Variants in ANKIB1 observed in about 807,000 individuals in gnomAD.
The protein encoded by ANKIB1 is ankyrin repeat and IBR domain-containing protein 1.
ANKIB1 carries 43 observed loss-of-function variants against 122.1 expected under a neutral mutation model. The observed-to-expected ratio is 0.35, with a 90% CI of 0.28 to 0.45. ANKIB1 has a LOEUF of 0.45. Among genes scored for constraint, ANKIB1 ranks in the 20% least tolerant of loss-of-function variants. ANKIB1 has a pLI of 1.00. For missense variants in ANKIB1, 992 were observed against 1,329.5 expected (o/e 0.75, Z 3.95); for synonymous variants, 390 against 442.0 (o/e 0.88, Z 1.48).
intron 10 of ANKIB1, among the ~76,000 whole-genome samples, chr7:92,363,670 T>G (rs1804003229): frequency 6.6e-6 from 1 of 151,328 alleles, no homozygotes; most frequent in African/African-American, 2.5e-5. Context: ...AGGTAATTAC[T>G]GTCAGCAACT....
intron 11 of ANKIB1, among the ~76,000 whole-genome samples, chr7:92,385,433 T>C (rs1804615294): frequency 6.6e-6 from 1 of 152,218 alleles, no homozygotes; most frequent in African/African-American, 2.4e-5. Context: ...CATGCACATA[T>C]ATGTTTATTG....
chr7:92,295,062 T>C lies in ANKIB1; in HGVS notation c.84T>C (p.Pro28=). 1 of 1,600,250 alleles carries C rather than the reference T, an allele frequency of 6.2e-7. No homozygotes were observed. Among genetic ancestry groups the C allele is most frequent in the Non-Finnish European group, 8.5e-7 (1 of 1,173,118 alleles). The part of the protein sequence containing the change: ...NLACQIYENN[P]QLKESLDPNT... ...CCTGCCAAATATATGAAAACAATCCTCAGCTAAAAGAATCTCTTGATCCAA... is the reference window on the plus strand; with the variant it reads ...CCTGCCAAATATATGAAAACAATCCCCAGCTAAAAGAATCTCTTGATCCAA... The change falls in exon 2 of 20, where the codon CCT becomes CCC. Residue 28 remains proline, a synonymous_variant. Coordinates refer to ENST00000265742, the MANE Select transcript of ANKIB1 (RefSeq NM_019004.2).
At chr7:92,327,621 C>T (rs1280924997) in intron 4 of ANKIB1, among the ~76,000 whole-genome samples, 162 bp from the exon 5 acceptor site, 1 of 151,928 alleles carries the variant, frequency 6.6e-6, no homozygotes, top group Non-Finnish European at 1.5e-5. Flanking sequence ...AGTATAGACA[C>T]AACCTTTTTT....
intron 1 of ANKIB1, among the ~76,000 whole-genome samples, chr7:92,262,418 C>T (rs895032515): frequency 6.6e-6 from 1 of 152,094 alleles, no homozygotes; most frequent in African/African-American, 2.4e-5. Flanking sequence ...CACAACTTTA[C>T]CCAAAATAGT....
intron 5 of ANKIB1, 34 bp from the exon 6 acceptor site, chr7:92,342,990 T>G: frequency 1.3e-6 from 2 of 1,587,006 alleles, no homozygotes; most frequent in Non-Finnish European, 1.7e-6. Flanking sequence ...CATATTTTCT[T>G]TTTTGAGAGC....
chr7:92,364,333 A>T (rs1804023584), intron 10 of ANKIB1, among the ~76,000 whole-genome samples: 1 of 148,352 alleles, frequency 6.7e-6, no homozygotes, highest in African/African-American at 2.6e-5. Context: ...AAAAAAAAAA[A>T]AAAAAAGCCT....
intron 5 of ANKIB1, among the ~76,000 whole-genome samples, chr7:92,333,362 T>C (rs560161723): frequency 6.4e-4 from 98 of 152,284 alleles, no homozygotes; most frequent in African/African-American, 2.2e-3. Flanking sequence ...CACTGACCTT[T>C]TTAATTTCAC....
chr7:92,375,669 T>G (rs1041840651), intron 11 of ANKIB1, among the ~76,000 whole-genome samples: 4 of 152,226 alleles, frequency 2.6e-5, no homozygotes, highest in Non-Finnish European at 5.9e-5. Context: ...AGGATAGGAA[T>G]CAACTTTTTC....
intron 1 of ANKIB1, among the ~76,000 whole-genome samples, chr7:92,268,123 C>T (rs943615941): frequency 2.0e-5 from 3 of 152,122 alleles, no homozygotes; most frequent in Non-Finnish European, 2.9e-5. Context: ...TGAGAAGATA[C>T]GTCAAGAAGG....
In ANKIB1 at chr7:92,371,585, G is replaced by A; in HGVS notation, c.1595G>A (p.Cys532Tyr). The change falls in exon 11 of 20, where the codon TGC becomes TAC. Residue 532 changes from cysteine to tyrosine, a missense_variant. Around this residue, in one of 4 missense-constraint regions of ANKIB1, gnomAD observed 521 missense variants for 777.7 expected, o/e 0.67. Transcript: ENST00000265742. ...TCTCCAATACAGAAGAATGAAGGCTGCAATCACATGCAGTGTGCTAAGGTA... is the reference window on the plus strand; with the variant it reads ...TCTCCAATACAGAAGAATGAAGGCTACAATCACATGCAGTGTGCTAAGGTA... ...CKSPIQKNEG[C>Y]NHMQCAKCKY... 2 of 1,603,720 alleles carry A rather than the reference G, an allele frequency of 1.2e-6. No homozygotes were observed. The highest frequency in any genetic ancestry group is 1.7e-6 in the Non-Finnish European group (2 of 1,174,738).
chr7:92,352,656 A>G lies in ANKIB1; in HGVS notation c.1397+14A>G, dbSNP rs1304896070. On this transcript the variant is annotated intron_variant, in intron 9 of 19. Transcript: ENST00000265742. ...CCTCTTCTGCTGGTTAGTATAAGAC[A>G]AGTTGGAATCAGCCTAATCACCTTT... 6.3e-7 allele frequency: 1 copy of G among 1,588,688 alleles called. No homozygotes were observed. The highest frequency in any genetic ancestry group is 8.5e-7 in the Non-Finnish European group (1 of 1,172,160).
intron 4 of ANKIB1, among the ~76,000 whole-genome samples, chr7:92,326,921 C>T (rs539594330): frequency 6.6e-6 from 1 of 152,236 alleles, no homozygotes; most frequent in East Asian, 1.9e-4. Flanking sequence ...AGTGATCCTC[C>T]TACTTCTCAG....
chr7:92,342,792 C>A, intron 5 of ANKIB1, among the ~76,000 whole-genome samples: 1 of 152,174 alleles, frequency 6.6e-6, no homozygotes, highest in East Asian at 1.9e-4. Flanking sequence ...TTTGACCATA[C>A]TGCTAGATCT....
intron 2 of ANKIB1, among the ~76,000 whole-genome samples, chr7:92,302,837 T>C (rs1247559155): frequency 1.3e-5 from 2 of 152,190 alleles, no homozygotes; most frequent in African/African-American, 4.8e-5. Flanking sequence ...CCCCCTTATC[T>C]TGCATGCAAA....
chr7:92,354,834 G>A (rs769096961), intron 9 of ANKIB1, among the ~76,000 whole-genome samples: 2 of 151,980 alleles, frequency 1.3e-5, no homozygotes, highest in Non-Finnish European at 2.9e-5. Flanking sequence ...GCAAAAAGAC[G>A]CTTTACAAGA....
chr7:92,259,248 A>C (rs958069154), intron 1 of ANKIB1, among the ~76,000 whole-genome samples: 20 of 152,058 alleles, frequency 1.3e-4, no homozygotes, highest in African/African-American at 4.6e-4. Flanking sequence ...GAGCCACTGC[A>C]CCAGGCTAAG....
intron 2 of ANKIB1, among the ~76,000 whole-genome samples, chr7:92,302,496 C>T (rs1802478191): frequency 6.6e-6 from 1 of 152,192 alleles, no homozygotes; most frequent in South Asian, 2.1e-4. Flanking sequence ...CACAATCACA[C>T]TGCCTCTTTT....
intron 1 of ANKIB1, among the ~76,000 whole-genome samples, chr7:92,270,076 T>C (rs1801754975): frequency 6.6e-6 from 1 of 151,968 alleles, no homozygotes; most frequent in Non-Finnish European, 1.5e-5. Context: ...AAAAATTTTT[T>C]TTGGAGATAG....
intron 5 of ANKIB1, among the ~76,000 whole-genome samples, chr7:92,329,059 C>G (rs1803097158): frequency 6.6e-6 from 1 of 150,750 alleles, no homozygotes; most frequent in Non-Finnish European, 1.5e-5. Context: ...CCTCTGCCTT[C>G]CAGGTTCAAG....
Sources: gnomAD v4.1 joint callset for allele counts (sites outside exome capture counted in the v4.1 genomes callset) on GRCh38, gnomAD v4.1.1 for gene constraint, gnomAD v4.1.1 regional missense constraint, MANE v1.5 for transcripts, NCBI Gene and HGNC (gene_info 2026-07-23, HGNC 2026-07-21) for gene names.